CMTM3: variants seen among roughly 807,000 people sequenced by gnomAD.
CMTM3 encodes CKLF-like MARVEL transmembrane domain-containing protein 3.
A neutral mutation model predicts 18.2 loss-of-function variants in CMTM3; 7 were observed. That is an observed-to-expected ratio of 0.38 (90% confidence interval 0.22 to 0.72). CMTM3 has a LOEUF of 0.72. CMTM3 is among the 30% of genes least tolerant of loss of function. The probability of loss-of-function intolerance (pLI) is 0.46; values close to 1 mark genes in which losing one functional copy is unlikely to be tolerated. For missense variants in CMTM3, 227 were observed against 249.2 expected (o/e 0.91, Z 0.60); for synonymous variants, 109 against 111.2 (o/e 0.98, Z 0.12).
At position 66,609,373 on chromosome 16, in the gene CMTM3, G is replaced by T. The variant is rs968243920; in HGVS notation, c.304-62G>T. On this transcript the variant is annotated intron_variant, in intron 2 of 4. Transcript: ENST00000567572. The surrounding 1 kb of genome is among the most constrained non-coding windows in gnomAD (Gnocchi z 4.4). ...GCTGGGAACACGACCAGGCTGCCAGGCCTCCTCCCCATGCTGTGCTCAGCT... is the reference window on the plus strand; with the variant it reads ...GCTGGGAACACGACCAGGCTGCCAGTCCTCCTCCCCATGCTGTGCTCAGCT... 6.9e-7 allele frequency: 1 copy of T among 1,452,618 alleles called. No individual in the cohort carries two copies. Among genetic ancestry groups the T allele is most frequent in the South Asian group, 1.2e-5 (1 of 84,956 alleles). 90.0% of individuals were successfully genotyped at this position (1,452,618 alleles called of 1,614,324 possible).
In CMTM3 at chr16:66,608,360, T is replaced by C; in HGVS notation, c.199T>C (p.Phe67Leu). 1 of 1,614,206 alleles carries C rather than the reference T, an allele frequency of 6.2e-7. No homozygotes were observed. Among genetic ancestry groups the C allele is most frequent in the Non-Finnish European group, 8.5e-7 (1 of 1,180,042 alleles). ...ICYVASSASA[F>L]LTAPLLEFLL... ...CTATGTGGCGTCCTCAGCATCTGCC[T>C]TCCTCACAGCGCCTCTGCTGGAGTT... is the stretch of plus-strand genomic sequence containing the variant. Residue 67 changes from phenylalanine (F) to leucine (L), a missense_variant, in exon 2 of 5, where the codon TTC becomes CTC. Phe to Leu is a conservative substitution (Grantham distance 22). Coordinates refer to ENST00000567572, the MANE Select transcript of CMTM3 (RefSeq NM_181553.4). This position sits in a 1 kb window ranked among gnomAD's most constrained non-coding sequence, Gnocchi z 5.1.
chr16:66,612,092 T>TGCACCC lies in CMTM3; in HGVS notation c.521-510_521-505dup, dbSNP rs1394035464. On this transcript the variant is annotated intron_variant, in intron 4 of 4. Coordinates refer to ENST00000567572, the MANE Select transcript of CMTM3 (RefSeq NM_181553.4). The surrounding 1 kb of genome is among the most constrained non-coding windows in gnomAD (Gnocchi z 6.0). ...GTCTTGGGGTGGAAACACCCCCACC[T>TGCACCC]GCACCCGCACCCACACCCTGGAGGT... Among the ~76,000 whole-genome samples, 6 of 152,138 alleles carry TGCACCC rather than the reference T, an allele frequency of 3.9e-5. No individual in the cohort carries two copies. The highest frequency in any genetic ancestry group is 1.2e-4 in the African/African-American group (5 of 41,446).
chr16:66,604,989 C>A, intron 1 of CMTM3, 37 bp downstream of exon 1: 1 of 1,428,530 alleles, frequency 7.0e-7, no homozygotes. Flanking sequence ...CCCGCTAGGA[C>A]TGCGCGGCTC....
intron 1 of CMTM3, among the ~76,000 whole-genome samples, chr16:66,607,000 G>C (rs1420416301): frequency 6.6e-6 from 1 of 152,160 alleles, no homozygotes; most frequent in Admixed American, 6.5e-5. Flanking sequence ...TCTCTGGGGC[G>C]GAGGTAAGAT....
chr16:66,613,305 AAAG>A lies in CMTM3; in HGVS notation c.*673_*675del, dbSNP rs2015454590. ...ACCATTCTGGGTCTAAGACTGTTTC[AAAG>A]AAGAGCTCATAGACTGACTGGTCCA... On this transcript the variant is annotated 3_prime_UTR_variant, in exon 5 of 5. Transcript: ENST00000567572. 5.0e-6 allele frequency: 3 copies of A among 600,670 alleles called. No individual in the cohort carries two copies. Among genetic ancestry groups the A allele is most frequent in the Admixed American group, 5.7e-5 (2 of 35,164 alleles). The allele number at this position is 600,670 out of a possible 1,614,324, so 37.2% of individuals were successfully genotyped here. A position where few individuals can be genotyped will look rare whatever the true frequency, so the allele number is the denominator to read the frequency against.
chr16:66,612,752 G>A lies in CMTM3; in HGVS notation c.*115G>A, dbSNP rs189880201. The stretch of plus-strand genomic sequence containing the variant: ...ACTTCTGAGTTGCAGAGGGGGCTGC[G>A]GACACAGCAGGCCCCCTACAGCCTC... On this transcript the variant is annotated 3_prime_UTR_variant, in exon 5 of 5. Transcript: ENST00000567572. This position sits in a 1 kb window ranked among gnomAD's most constrained non-coding sequence, Gnocchi z 6.0. 2.5e-3 allele frequency: 2,483 copies of A among 984,896 alleles called. 20 individuals are homozygous for A. The highest frequency in any genetic ancestry group is 2.5e-3 in the Non-Finnish European group (1,589 of 644,668). The allele number at this position is 984,896 out of a possible 1,614,324, so 61.0% of individuals were successfully genotyped here.
chr16:66,609,773 C>T lies in CMTM3; in HGVS notation c.400-110C>T. ...GTTACTCACAGGGGTCTGTGCCTGACACTCGGGCTGTTTGTCCAAGCAGAT... is the reference window on the plus strand; with the variant it reads ...GTTACTCACAGGGGTCTGTGCCTGATACTCGGGCTGTTTGTCCAAGCAGAT... On this transcript the variant is annotated intron_variant, in intron 3 of 4. Coordinates refer to ENST00000567572, the MANE Select transcript of CMTM3 (RefSeq NM_181553.4). This position sits in a 1 kb window ranked among gnomAD's most constrained non-coding sequence, Gnocchi z 4.4. 8 of 1,606,126 alleles carry T rather than the reference C, an allele frequency of 5.0e-6. No individual in the cohort carries two copies. Among genetic ancestry groups the T allele is most frequent in the Non-Finnish European group, 6.8e-6 (8 of 1,176,194 alleles).
rs921210998 is a variant in CMTM3 at position 66,610,283 on chromosome 16, C to A, written c.520+280C>A. 4.6e-5 allele frequency among the ~76,000 whole-genome samples: 7 copies of A among 152,162 alleles called. No homozygotes were observed. The highest frequency in any genetic ancestry group is 8.8e-5 in the Non-Finnish European group (6 of 68,020). On this transcript the variant is annotated intron_variant, in intron 4 of 4. Transcript: ENST00000567572. This position sits in a 1 kb window ranked among gnomAD's most constrained non-coding sequence, Gnocchi z 4.6. ...AGTCTCCCTGGACGACCCCCCTGGG[C>A]AGCCAGTCACTCTCGGGCACCTGTC...
chr16:66,604,034 GT>G (rs1266289116), upstream of CMTM3: 4 of 150,876 alleles, frequency 2.7e-5, no homozygotes, highest in Non-Finnish European at 5.9e-5. Context: ...CGTGTGGAGT[GT>G]GTGTGTGTGT....
chr16:66,607,178 G>C (rs756571349), intron 1 of CMTM3, among the ~76,000 whole-genome samples: 1 of 152,230 alleles, frequency 6.6e-6, no homozygotes, highest in Non-Finnish European at 1.5e-5. Context: ...TGGAGCCCCA[G>C]GCTGGCCAAC....
chr16:66,604,484 T>G, upstream of CMTM3: 1 of 223,710 alleles, frequency 4.5e-6, no homozygotes. Flanking sequence ...GGCAGACGGG[T>G]GGGAGCTCCG....
Position 66,608,228 on chromosome 16 carries a change from G to A in CMTM3, c.148-81G>A, listed in dbSNP as rs1356321792. The A allele has an allele frequency of 6.6e-7, 1 of 1,521,416 alleles. No individual in the cohort carries two copies. The highest frequency in any genetic ancestry group is 2.3e-5 in the East Asian group (1 of 44,390). 94.2% of individuals were successfully genotyped at this position (1,521,416 alleles called of 1,614,324 possible). A position where few individuals can be genotyped will look rare whatever the true frequency, so the allele number is the denominator to read the frequency against. ...CCCCTGCTGGAACCTCCTCTATCCT[G>A]ACCACAGGGCCTGGCTCAGAGGAGC... is the stretch of plus-strand genomic sequence containing the variant. On this transcript the variant is annotated intron_variant, in intron 1 of 4. Coordinates refer to ENST00000567572, the MANE Select transcript of CMTM3 (RefSeq NM_181553.4). This position sits in a 1 kb window ranked among gnomAD's most constrained non-coding sequence, Gnocchi z 5.1.
rs1422742299 is a variant in CMTM3 at position 66,608,181 on chromosome 16, C to T, written c.148-128C>T. 1.6e-5 allele frequency: 15 copies of T among 964,046 alleles called. No individual in the cohort carries two copies. The highest frequency in any genetic ancestry group is 1.2e-4 in the East Asian group (5 of 41,620). The allele number at this position is 964,046 out of a possible 1,614,324, so 59.7% of individuals were successfully genotyped here. A position where few individuals can be genotyped will look rare whatever the true frequency, so the allele number is the denominator to read the frequency against. ...ATCTGGCTCTGCCACTTCCCAGCTG[C>T]GGGACTGTGAGCAGTTGGCTTCCCC... On this transcript the variant is annotated intron_variant, in intron 1 of 4. Transcript: ENST00000567572. The surrounding 1 kb of genome is among the most constrained non-coding windows in gnomAD (Gnocchi z 5.1).
rs994891306 is a variant in CMTM3 at position 66,604,782 on chromosome 16, C to T, written c.-24C>T. 8.0e-7 allele frequency: 1 copy of T among 1,242,472 alleles called. No homozygotes were observed. The highest frequency in any genetic ancestry group is 1.6e-5 in the African/African-American group (1 of 63,610). 77.0% of individuals were successfully genotyped at this position (1,242,472 alleles called of 1,614,324 possible). Reference sequence around the variant, plus strand: ...CGAGAAGAGGGGAGCCAGGCCGAGCCCCGGCCCTACCGCCGCCGCCGCCAT... The same window carrying T: ...CGAGAAGAGGGGAGCCAGGCCGAGCTCCGGCCCTACCGCCGCCGCCGCCAT... On this transcript the variant is annotated 5_prime_UTR_variant, in exon 1 of 5. Transcript: ENST00000567572.
chr16:66,610,019 G>A lies in CMTM3; in HGVS notation c.520+16G>A, dbSNP rs1039599239. ...AAGACAGAAGGTAAGCGGCTGCCCTGATCACCCCAGCAGTGCTGCAACAGG... is the reference window on the plus strand; with the variant it reads ...AAGACAGAAGGTAAGCGGCTGCCCTAATCACCCCAGCAGTGCTGCAACAGG... On this transcript the variant is annotated intron_variant, in intron 4 of 4. Transcript: ENST00000567572. This position sits in a 1 kb window ranked among gnomAD's most constrained non-coding sequence, Gnocchi z 4.6. 1.2e-6 allele frequency: 2 copies of A among 1,614,068 alleles called. No homozygotes were observed.
In CMTM3 at chr16:66,609,711, T is replaced by G; in HGVS notation, c.400-172T>G. Reference sequence around the variant, plus strand: ...TCTACCCGGGGTTTTGAAAGGCTGTTTGTCAAACCAAGTTCACAGCTCATT... The same window carrying G: ...TCTACCCGGGGTTTTGAAAGGCTGTGTGTCAAACCAAGTTCACAGCTCATT... On this transcript the variant is annotated intron_variant, in intron 3 of 4. Coordinates refer to ENST00000567572, the MANE Select transcript of CMTM3 (RefSeq NM_181553.4). The surrounding 1 kb of genome is among the most constrained non-coding windows in gnomAD (Gnocchi z 4.4). 4 of 1,551,566 alleles carry G rather than the reference T, an allele frequency of 2.6e-6. No homozygotes were observed. The highest frequency in any genetic ancestry group is 3.5e-6 in the Non-Finnish European group (4 of 1,149,334).
rs2015434129 is a variant in CMTM3 at position 66,612,839 on chromosome 16, G to A, written c.*202G>A. On this transcript the variant is annotated 3_prime_UTR_variant, in exon 5 of 5. Transcript: ENST00000567572. The surrounding 1 kb of genome is among the most constrained non-coding windows in gnomAD (Gnocchi z 6.0). ...TCAGCTCAGCACTGTTGACCACGCT[G>A]CGTATGAGGGCATCTTGGGTATCCC... The A allele has an allele frequency of 4.9e-6, 3 of 613,164 alleles. No individual in the cohort carries two copies. The highest frequency in any genetic ancestry group is 2.8e-5 in the Admixed American group (1 of 35,260). 38.0% of individuals were successfully genotyped at this position (613,164 alleles called of 1,614,324 possible). A position where few individuals can be genotyped will look rare whatever the true frequency, so the allele number is the denominator to read the frequency against.
In CMTM3 at chr16:66,605,236, G is replaced by A. The variant is rs1024755301; in HGVS notation, c.147+284G>A. ...GGTGGGGCCCGGGGATGTGGGTCCT[G>A]CTGTGTGAGCCAGGCGCCCCCGCCC... is the stretch of plus-strand genomic sequence containing the variant. On this transcript the variant is annotated intron_variant, in intron 1 of 4. Coordinates refer to ENST00000567572, the MANE Select transcript of CMTM3 (RefSeq NM_181553.4). This position sits in a 1 kb window ranked among gnomAD's most constrained non-coding sequence, Gnocchi z 4.6. 2.0e-5 allele frequency: 6 copies of A among 303,908 alleles called. No homozygotes were observed. The highest frequency in any genetic ancestry group is 1.0e-4 in the South Asian group (1 of 9,720). 18.8% of individuals were successfully genotyped at this position (303,908 alleles called of 1,614,324 possible).
intron 1 of CMTM3, among the ~76,000 whole-genome samples, chr16:66,607,853 G>T (rs1171524072): frequency 1.3e-5 from 2 of 151,544 alleles, no homozygotes; most frequent in African/African-American, 4.9e-5. Context: ...TTTTTGTAGG[G>T]GCGGGTGCGG....
Sources: allele counts gnomAD v4.1 joint callset (sites outside exome capture counted in the v4.1 genomes callset), GRCh38; gene constraint gnomAD v4.1.1; non-coding constraint Gnocchi (gnomAD v3.1); transcripts MANE v1.5; gene names NCBI Gene and HGNC (gene_info 2026-07-23, HGNC 2026-07-21).